Variants in TRIQK observed in about 807,000 individuals in gnomAD.
TRIQK encodes the protein triple QxxK/R motif containing, also known as triple QxxK/R motif-containing protein.
In TRIQK, 10 loss-of-function variants were observed where a neutral mutation model predicts 10.8. The observed-to-expected ratio is 0.92, with a 90% CI of 0.57 to 1.57. The LOEUF is 1.57. TRIQK is among the 40% of genes most tolerant of loss of function. The pLI is 0.00. For missense variants in TRIQK, 107 were observed against 97.7 expected, an observed-to-expected ratio of 1.09 and a Z score of -0.40; for synonymous variants, 33 against 33.7, an observed-to-expected ratio of 0.98 and a Z score of 0.07.
chr8:92,946,908 T>C (rs954077510), intron 2 of TRIQK, among the ~76,000 whole-genome samples: 33 of 151,968 alleles, frequency 2.2e-4, no homozygotes, highest in Admixed American at 1.1e-3. Flanking sequence ...CGCAGGCGCC[T>C]GCCACCACGC....
At chr8:92,956,094 A>C (rs1016385070) in intron 1 of TRIQK, among the ~76,000 whole-genome samples, 1 of 151,762 alleles carries the variant, frequency 6.6e-6, no homozygotes, top group Non-Finnish European at 1.5e-5. Context: ...TCCACACAAA[A>C]ACTTATATAC....
intron 2 of TRIQK, among the ~76,000 whole-genome samples, chr8:92,937,235 C>T (rs533411686): frequency 6.9e-6 from 1 of 145,214 alleles, no homozygotes; most frequent in African/African-American, 2.7e-5. Context: ...TATACACTTA[C>T]AAAACAACTT....
At chr8:92,982,093 T>G (rs1420713318) in intron 1 of TRIQK, among the ~76,000 whole-genome samples, 2 of 151,728 alleles carry the variant, frequency 1.3e-5, no homozygotes, top group African/African-American at 4.8e-5. Context: ...TAAATAAGGT[T>G]TTCTGTTTTT....
chr8:92,947,152 A>G (rs1332147048), intron 2 of TRIQK, among the ~76,000 whole-genome samples: 1 of 152,162 alleles, frequency 6.6e-6, no homozygotes, highest in Non-Finnish European at 1.5e-5. Context: ...TATCTCTAAC[A>G]GTACAAAAAT....
chr8:92,951,309 T>A (rs1480337325), intron 2 of TRIQK, among the ~76,000 whole-genome samples: 1 of 152,058 alleles, frequency 6.6e-6, no homozygotes, highest in Non-Finnish European at 1.5e-5. Context: ...CACTACTCCA[T>A]CCCTTTTCCA....
At chr8:92,901,468 T>A (rs1302483026) in intron 3 of TRIQK, among the ~76,000 whole-genome samples, 3 of 152,188 alleles carry the variant, frequency 2.0e-5, no homozygotes, top group Non-Finnish European at 4.4e-5. Context: ...GATGTTAAAT[T>A]TTATCAAATG....
chr8:92,901,066 CT>C (rs1314160104), intron 3 of TRIQK, among the ~76,000 whole-genome samples: 1 of 151,916 alleles, frequency 6.6e-6, no homozygotes, highest in Non-Finnish European at 1.5e-5. Context: ...GGAAATCCTA[CT>C]GATTTTTGTA....
chr8:92,892,277 G>A (rs1356724903), intron 3 of TRIQK, among the ~76,000 whole-genome samples: 2 of 151,740 alleles, frequency 1.3e-5, no homozygotes, highest in East Asian at 1.9e-4. Context: ...GGATACTGAC[G>A]GACATCTTCA....
At chr8:92,996,382 A>G (rs1163493736) in intron 1 of TRIQK, among the ~76,000 whole-genome samples, 1 of 152,068 alleles carries the variant, frequency 6.6e-6, no homozygotes, top group Non-Finnish European at 1.5e-5. Flanking sequence ...AGTTAAATTC[A>G]ATTGTTCAGC....
At chr8:92,899,393 C>T (rs145495459) in intron 3 of TRIQK, among the ~76,000 whole-genome samples, 13 of 152,146 alleles carry the variant, frequency 8.5e-5, no homozygotes, top group Non-Finnish European at 1.2e-4. Context: ...CTTCCACCCC[C>T]TCCCCAATAC....
intron 2 of TRIQK, among the ~76,000 whole-genome samples, chr8:92,933,878 C>A (rs1810854823): frequency 6.6e-6 from 1 of 152,004 alleles, no homozygotes; most frequent in Non-Finnish European, 1.5e-5. Context: ...CACTGAATCT[C>A]CTTGATCTAT....
chr8:92,898,079 T>A (rs1372818469), intron 3 of TRIQK, among the ~76,000 whole-genome samples: 1 of 152,162 alleles, frequency 6.6e-6, no homozygotes, highest in Non-Finnish European at 1.5e-5. Context: ...GTCAGTCTCA[T>A]GTTTAACCCC....
intron 1 of TRIQK, among the ~76,000 whole-genome samples, chr8:92,974,980 G>A (rs1812916454): frequency 2.0e-5 from 3 of 152,188 alleles, no homozygotes; most frequent in African/African-American, 7.2e-5. Context: ...GACAGCTTTG[G>A]TTTCAGGGTT....
rs751214934 is a variant in TRIQK at position 92,883,653 on chromosome 8, T to G, written c.*2969A>C. 4.6e-5 allele frequency: 7 copies of G among 151,870 alleles called. No individual in the cohort carries two copies. The South Asian group carries it at 6.2e-4, about 13-fold the overall frequency. The allele number at this position is 151,870 out of a possible 1,614,324, so 9.4% of individuals were successfully genotyped here. On this transcript the variant is annotated 3_prime_UTR_variant, in exon 5 of 5. Transcript: ENST00000521988. ...CATCAACTTAAATTTTAACATGCAT[T>G]TATTAAATTTATATGCAGATGACTA...
At chr8:92,929,913 TCAAA>T (rs1810625072) in intron 2 of TRIQK, among the ~76,000 whole-genome samples, 1 of 152,258 alleles carries the variant, frequency 6.6e-6, no homozygotes, top group African/African-American at 2.4e-5. Context: ...CTCTTAGTAG[TCAAA>T]CTAAAAAGTA....
intron 2 of TRIQK, among the ~76,000 whole-genome samples, chr8:92,938,414 T>C (rs577736910): frequency 2.0e-5 from 3 of 152,260 alleles, no homozygotes; most frequent in South Asian, 4.1e-4. Flanking sequence ...CCATACTTGC[T>C]ACTTTTAATG....
chr8:93,013,149 A>G (rs1317714365), intron 1 of TRIQK, among the ~76,000 whole-genome samples: 1 of 152,222 alleles, frequency 6.6e-6, no homozygotes, highest in Non-Finnish European at 1.5e-5. Context: ...GGGTCGCTCA[A>G]TGGTGATTAG....
intron 1 of TRIQK, among the ~76,000 whole-genome samples, chr8:92,979,376 A>G (rs1458668476): frequency 2.0e-5 from 3 of 152,042 alleles, no homozygotes; most frequent in African/African-American, 4.8e-5. Flanking sequence ...TATATATCCA[A>G]TGTTTTTAGT....
intron 1 of TRIQK, among the ~76,000 whole-genome samples, chr8:92,991,179 AC>A (rs1472012064): frequency 2.0e-5 from 3 of 152,202 alleles, no homozygotes; most frequent in Non-Finnish European, 2.9e-5. Flanking sequence ...CCACAAAGCC[AC>A]TGTAGCCCGA....
Sources: allele counts gnomAD v4.1 joint callset (sites outside exome capture counted in the v4.1 genomes callset), GRCh38; gene constraint gnomAD v4.1.1; transcripts MANE v1.5; gene names NCBI Gene and HGNC (gene_info 2026-07-23, HGNC 2026-07-21).